The following YY1 variants were observed in gnomAD, a reference collection of about 807,000 sequenced individuals.
YY1 encodes the protein YY1 transcription factor, also known as transcriptional repressor protein YY1.
Under a neutral mutation model 35.6 loss-of-function variants are expected in YY1, and 2 were observed. The observed-to-expected ratio is 0.06, with a 90% CI of 0.02 to 0.18. The LOEUF is 0.18. Ranked by LOEUF, YY1 falls within the 10% of genes least tolerant of loss-of-function variation. The pLI is 1.00. For synonymous variants in YY1, 268 were observed against 238.9 expected (o/e 1.12, Z -1.12); for missense variants, 322 against 573.4 (o/e 0.56, Z 4.48).
At chr14:100,242,908 CT>C (rs1321705952) in intron 1 of YY1, among the ~76,000 whole-genome samples, 1 of 152,172 alleles carries the variant, frequency 6.6e-6, no homozygotes, top group Admixed American at 6.6e-5. Flanking sequence ...ACCACCACCC[CT>C]GGCTATAATG....
intron 1 of YY1, among the ~76,000 whole-genome samples, chr14:100,260,280 T>G (rs1176113527): frequency 6.6e-6 from 1 of 151,440 alleles, no homozygotes; most frequent in African/African-American, 2.4e-5. Flanking sequence ...TTTCATCATG[T>G]TGGCCAGGCT....
At chr14:100,274,938 C>T (rs1405705914) in intron 3 of YY1, among the ~76,000 whole-genome samples, 180 bp downstream of exon 3, 1 of 152,170 alleles carries the variant, frequency 6.6e-6, no homozygotes, top group African/African-American at 2.4e-5. Context: ...TTTTTAAATA[C>T]TGTTAAATGG....
At chr14:100,240,539 C>T (rs1890720764) in intron 1 of YY1, among the ~76,000 whole-genome samples, 1 of 151,906 alleles carries the variant, frequency 6.6e-6, no homozygotes, top group African/African-American at 2.4e-5. Context: ...GGGCGCCCTC[C>T]GGCCTCCTTG....
chr14:100,266,055 G>A (rs1891149599), intron 2 of YY1, among the ~76,000 whole-genome samples: 1 of 152,076 alleles, frequency 6.6e-6, no homozygotes, highest in Non-Finnish European at 1.5e-5. Context: ...GGCGGCAAGA[G>A]AAAAATGAGG....
intron 2 of YY1, among the ~76,000 whole-genome samples, chr14:100,270,727 T>C (rs1891225633): frequency 6.6e-6 from 1 of 152,242 alleles, no homozygotes; most frequent in Non-Finnish European, 1.5e-5. Flanking sequence ...TAGGTATGTA[T>C]GTACTATTCT....
chr14:100,264,572 C>A (rs140359579), intron 2 of YY1, among the ~76,000 whole-genome samples: 2 of 152,126 alleles, frequency 1.3e-5, no homozygotes, highest in African/African-American at 2.4e-5. Flanking sequence ...TCATTAAGGG[C>A]GATGAATCCT....
intron 3 of YY1, among the ~76,000 whole-genome samples, chr14:100,275,460 A>G (rs893228259): frequency 2.6e-5 from 4 of 152,294 alleles, no homozygotes; most frequent in Middle Eastern, 3.4e-3. Context: ...TGATGTGGCG[A>G]TTTGAAATGT....
At chr14:100,269,391 C>A (rs1169498138) in intron 2 of YY1, among the ~76,000 whole-genome samples, 1 of 152,182 alleles carries the variant, frequency 6.6e-6, no homozygotes, top group Non-Finnish European at 1.5e-5. Flanking sequence ...CTCCAAGTCA[C>A]ACATCCCATA....
chr14:100,243,675 A>T (rs1301901737), intron 1 of YY1, among the ~76,000 whole-genome samples: 1 of 152,026 alleles, frequency 6.6e-6, no homozygotes, highest in Non-Finnish European at 1.5e-5. Flanking sequence ...ATGGTAGCAC[A>T]TGCCTGTAGT....
At chr14:100,241,942 T>C (rs1890749748) in intron 1 of YY1, among the ~76,000 whole-genome samples, 1 of 121,458 alleles carries the variant, frequency 8.2e-6, no homozygotes, top group Non-Finnish European at 1.6e-5. Context: ...ACCACTACAC[T>C]CCAGCCTGGG....
At position 100,256,150 on chromosome 14, in the gene YY1, A is replaced by G. The variant is rs116434808; in HGVS notation, c.680-6154A>G. ...GAGCCAGACCCTGTCACAAAAAAAA[A>G]AAAACATCTATATGCCAGTGATTCT... is the stretch of plus-strand genomic sequence containing the variant. On this transcript the variant is annotated intron_variant, in intron 1 of 4. Coordinates refer to ENST00000262238, the MANE Select transcript of YY1 (RefSeq NM_003403.5). 9.6e-3 allele frequency among the ~76,000 whole-genome samples: 1,454 copies of G among 151,584 alleles called. 22 individuals carry two copies. The highest frequency in any genetic ancestry group is 0.034 in the African/African-American group (1,385 of 41,290).
At chr14:100,253,282 G>C (rs1193001951) in intron 1 of YY1, among the ~76,000 whole-genome samples, 3 of 152,156 alleles carry the variant, frequency 2.0e-5, no homozygotes, top group Non-Finnish European at 4.4e-5. Flanking sequence ...ATAGAAATCA[G>C]TAACATTCAT....
At chr14:100,271,916 C>T (rs1412950895) in intron 2 of YY1, among the ~76,000 whole-genome samples, 2 of 152,158 alleles carry the variant, frequency 1.3e-5, no homozygotes, top group Non-Finnish European at 2.9e-5. Context: ...GTGACCCTAT[C>T]ACACGAGTGC....
chr14:100,263,499 C>G (rs1476857202), intron 2 of YY1, among the ~76,000 whole-genome samples: 1 of 152,112 alleles, frequency 6.6e-6, no homozygotes, highest in Non-Finnish European at 1.5e-5. Flanking sequence ...TTTTGTGTTA[C>G]TTTCTAGTAC....
intron 1 of YY1, among the ~76,000 whole-genome samples, chr14:100,245,929 AG>A (rs1890826386): frequency 2.0e-5 from 3 of 152,210 alleles, no homozygotes; most frequent in Non-Finnish European, 4.4e-5. Context: ...TTTATAACTT[AG>A]TTAATTATAA....
chr14:100,244,531 C>T (rs1189946376), intron 1 of YY1, among the ~76,000 whole-genome samples: 1 of 151,336 alleles, frequency 6.6e-6, no homozygotes, highest in African/African-American at 2.4e-5. Flanking sequence ...GATTCACCCA[C>T]CTCGGCCTCC....
At position 100,264,460 on chromosome 14, in the gene YY1, C is replaced by T. The variant is rs191928557; in HGVS notation, c.842+1994C>T. ...CCAAAATGATTATAGACGTGAGCCA[C>T]TGCACCCAGCTGGCCCTAGAGTTTT... is the stretch of plus-strand genomic sequence containing the variant. On this transcript the variant is annotated intron_variant, in intron 2 of 4. Transcript: ENST00000262238. Among the ~76,000 whole-genome samples the T allele has an allele frequency of 7.5e-4, 114 of 152,300 alleles. 2 individuals carry two copies. In the East Asian group the frequency reaches 0.015, roughly 20 times the overall value.
intron 1 of YY1, among the ~76,000 whole-genome samples, chr14:100,261,389 C>T (rs1002421514): frequency 3.3e-5 from 5 of 151,792 alleles, no homozygotes; most frequent in Non-Finnish European, 7.4e-5. Context: ...GGGGTTTCGC[C>T]GTGTTGGCCA....
Position 100,239,632 on chromosome 14 carries a change from C to A in YY1, c.388C>A (p.Gln130Lys). 6.2e-7 allele frequency: 1 copy of A among 1,611,510 alleles called. No homozygotes were observed. Among genetic ancestry groups the A allele is most frequent in the Non-Finnish European group, 8.5e-7 (1 of 1,179,570 alleles). ...GLRAEDGFED[Q>K]ILIPVPAPAG... The stretch of plus-strand genomic sequence containing the variant: ...GCGCGCCGAGGACGGCTTCGAGGAT[C>A]AGATTCTCATCCCGGTGCCCGCGCC... Residue 130 changes from glutamine to lysine, a missense_variant, in exon 1 of 5, where the codon CAG (glutamine) becomes AAG (lysine). Gln to Lys is a moderately conservative substitution (Grantham distance 53). Around this residue, in one of 4 missense-constraint regions of YY1, gnomAD observed 152 missense variants for 167.1 expected, o/e 0.91. Transcript: ENST00000262238.
Sources: allele counts gnomAD v4.1 joint callset (sites outside exome capture counted in the v4.1 genomes callset), GRCh38; gene constraint gnomAD v4.1.1; regional missense constraint gnomAD v4.1.1; transcripts MANE v1.5; gene names NCBI Gene and HGNC (gene_info 2026-07-23, HGNC 2026-07-21).